Variants in WDTC1 observed in about 807,000 individuals in gnomAD.
WDTC1 encodes WD and tetratricopeptide repeats protein 1.
WDTC1 carries 12 observed loss-of-function variants against 76.0 expected under a neutral mutation model. That is an observed-to-expected ratio of 0.16 (90% CI 0.10 to 0.26). The LOEUF is 0.26. Ranked by LOEUF, WDTC1 falls within the 10% of genes least tolerant of loss-of-function variation. WDTC1 has a pLI of 1.00. For missense variants in WDTC1, 511 were observed against 908.8 expected (o/e 0.56, Z 5.63); for synonymous variants, 326 against 350.8 (o/e 0.93, Z 0.79).
intron 11 of WDTC1, among the ~76,000 whole-genome samples, 172 bp downstream of exon 11, chr1:27,297,328 C>G (rs572175949): frequency 6.6e-6 from 1 of 152,228 alleles, no homozygotes; most frequent in Non-Finnish European, 1.5e-5. Flanking sequence ...TCCAGTGCCC[C>G]TCTGCCTGGC....
At chr1:27,271,910 T>C (rs1027805303) in intron 3 of WDTC1, among the ~76,000 whole-genome samples, 1 of 149,190 alleles carries the variant, frequency 6.7e-6, no homozygotes. Flanking sequence ...GTGCTGGGAT[T>C]ATAGGCGTAA....
Position 27,306,553 on chromosome 1 carries a change from T to G in WDTC1, c.*170T>G. 1 of 827,672 alleles carries G rather than the reference T, an allele frequency of 1.2e-6. No individual in the cohort carries two copies. The highest frequency in any genetic ancestry group is 2.7e-5 in the East Asian group (1 of 37,202). The allele number at this position is 827,672 out of a possible 1,614,324, so 51.3% of individuals were successfully genotyped here. On this transcript the variant is annotated 3_prime_UTR_variant, in exon 16 of 16. Transcript: ENST00000319394. The surrounding 1 kb of genome is among the most constrained non-coding windows in gnomAD (Gnocchi z 5.0). The stretch of plus-strand genomic sequence containing the variant: ...GTGGAGGTTGCTACAACTTGCTGGC[T>G]TTCGGACTCTGGGCTGATTGTCCCC...
intron 3 of WDTC1, among the ~76,000 whole-genome samples, chr1:27,269,491 A>T (rs2012787958): frequency 6.6e-6 from 1 of 151,546 alleles, no homozygotes; most frequent in Non-Finnish European, 1.5e-5. Context: ...GTAAGTGTGG[A>T]TGGGCTATTC....
At chr1:27,275,074 G>T (rs551680564) in intron 3 of WDTC1, among the ~76,000 whole-genome samples, 29 of 152,202 alleles carry the variant, frequency 1.9e-4, no homozygotes, top group South Asian at 1.5e-3. Flanking sequence ...ATAGTTCCTG[G>T]CTTGGTGGAT....
chr1:27,292,704 A>C (rs1018546957), intron 7 of WDTC1, among the ~76,000 whole-genome samples: 1 of 151,162 alleles, frequency 6.6e-6, no homozygotes, highest in East Asian at 1.9e-4. Flanking sequence ...TGGGACTACA[A>C]GCATGAGCCA....
chr1:27,248,165 C>A (rs1237787594), intron 1 of WDTC1, among the ~76,000 whole-genome samples: 1 of 152,152 alleles, frequency 6.6e-6, no homozygotes, highest in Non-Finnish European at 1.5e-5. Context: ...TGGGTATATA[C>A]CCAGTAATAG....
chr1:27,273,820 CGTGTGT>C (rs138243935), intron 3 of WDTC1, among the ~76,000 whole-genome samples: 9 of 148,026 alleles, frequency 6.1e-5, no homozygotes, highest in Admixed American at 4.7e-4. Context: ...GTACTTTACA[CGTGTGT>C]GTGTGTGTGT....
At chr1:27,257,729 C>T (rs1365496488) in intron 1 of WDTC1, among the ~76,000 whole-genome samples, 7 of 152,170 alleles carry the variant, frequency 4.6e-5, no homozygotes, top group Non-Finnish European at 7.4e-5. Context: ...GGTAATGACA[C>T]TAAGATGGCA....
chr1:27,269,977 C>T (rs978203423), intron 3 of WDTC1, among the ~76,000 whole-genome samples: 5 of 151,710 alleles, frequency 3.3e-5, no homozygotes, highest in Non-Finnish European at 7.4e-5. Context: ...TGCTCTGTCA[C>T]CCAGGCTGGA....
chr1:27,260,481 G>A (rs1253226940), intron 1 of WDTC1, among the ~76,000 whole-genome samples: 1 of 152,160 alleles, frequency 6.6e-6, no homozygotes, highest in Non-Finnish European at 1.5e-5. Context: ...CCTTTACACT[G>A]TTTAATTCTG....
chr1:27,301,215 T>G lies in WDTC1; in HGVS notation c.1233-11T>G. 6.2e-7 allele frequency: 1 copy of G among 1,612,456 alleles called. No homozygotes were observed. Among genetic ancestry groups the G allele is most frequent in the Non-Finnish European group, 8.5e-7 (1 of 1,178,962 alleles). On this transcript the variant is annotated splice_polypyrimidine_tract_variant and intron_variant, in intron 12 of 15. Transcript: ENST00000319394. This position sits in a 1 kb window ranked among gnomAD's most constrained non-coding sequence, Gnocchi z 5.8. Reference sequence around the variant, plus strand: ...GCTCCACCTCCAAGCCGCTCTTCCCTGCCTTCCCAGGGATGGTGACCACTA... The same window carrying G: ...GCTCCACCTCCAAGCCGCTCTTCCCGGCCTTCCCAGGGATGGTGACCACTA...
Position 27,279,947 on chromosome 1 carries a change from A to G in WDTC1, c.133-2292A>G, listed in dbSNP as rs6672405. 3.9e-3 allele frequency among the ~76,000 whole-genome samples: 601 copies of G among 152,348 alleles called. 7 individuals carry two copies. Among genetic ancestry groups the G allele is most frequent in the African/African-American group, 0.013 (560 of 41,576 alleles). ...TTTCTGATTCTGCCACTCAGCTATC[A>G]AAGTAACCACTCAAAGTGCTTTACA... On this transcript the variant is annotated intron_variant, in intron 3 of 15. Coordinates refer to ENST00000319394, the MANE Select transcript of WDTC1 (RefSeq NM_001276252.2).
intron 7 of WDTC1, among the ~76,000 whole-genome samples, chr1:27,292,815 G>T (rs1378877411): frequency 1.5e-5 from 2 of 136,284 alleles, no homozygotes; most frequent in Non-Finnish European, 3.1e-5. Context: ...GTGTTGGAGC[G>T]CAGTGGCACA....
chr1:27,244,650 T>C (rs1186447603), intron 1 of WDTC1, among the ~76,000 whole-genome samples: 1 of 152,218 alleles, frequency 6.6e-6, no homozygotes, highest in African/African-American at 2.4e-5. Flanking sequence ...CCTGGCCTTA[T>C]GTTATTTCCA....
intron 3 of WDTC1, among the ~76,000 whole-genome samples, chr1:27,266,748 G>T (rs1311172456): frequency 6.6e-6 from 1 of 152,056 alleles, no homozygotes; most frequent in Non-Finnish European, 1.5e-5. Flanking sequence ...GTTTATCTTT[G>T]GCATTAAGAA....
intron 6 of WDTC1, among the ~76,000 whole-genome samples, chr1:27,289,181 G>T (rs1165054269): frequency 7.2e-6 from 1 of 139,094 alleles, no homozygotes; most frequent in Non-Finnish European, 1.6e-5. Flanking sequence ...CTCACCTCCC[G>T]GACGGGGCGG....
chr1:27,277,771 G>T (rs2013073915), intron 3 of WDTC1, among the ~76,000 whole-genome samples: 1 of 152,046 alleles, frequency 6.6e-6, no homozygotes, highest in South Asian at 2.1e-4. Context: ...TTTCAACTTT[G>T]TTCATTTTTC....
In WDTC1 at chr1:27,301,475, G is replaced by T; in HGVS notation, c.1468+14G>T. The T allele has an allele frequency of 6.2e-7, 1 of 1,608,886 alleles. No individual in the cohort carries two copies. Among genetic ancestry groups the T allele is most frequent in the South Asian group, 1.1e-5 (1 of 90,946 alleles). On this transcript the variant is annotated intron_variant, in intron 13 of 15. Transcript: ENST00000319394. The surrounding 1 kb of genome is among the most constrained non-coding windows in gnomAD (Gnocchi z 5.8). The stretch of plus-strand genomic sequence containing the variant: ...AAAATGATGGTGGTGAGTGGGCACT[G>T]AGGAGGGGGTGCTGTTACTCTTTCT...
At chr1:27,304,905 C>A (rs753000024) in intron 14 of WDTC1, 96 bp from the exon 15 acceptor site, 22 of 1,301,186 alleles carry the variant, frequency 1.7e-5, no homozygotes, top group African/African-American at 3.0e-5. Context: ...TGGCTGCAGA[C>A]TTCCTTGCTC....
Sources: allele counts gnomAD v4.1 joint callset (sites outside exome capture counted in the v4.1 genomes callset), GRCh38; gene constraint gnomAD v4.1.1; non-coding constraint Gnocchi (gnomAD v3.1); transcripts MANE v1.5; gene names NCBI Gene and HGNC (gene_info 2026-07-23, HGNC 2026-07-21).